Variants in SLC35F3 observed in about 807,000 individuals in gnomAD.
The protein encoded by SLC35F3 is putative thiamine transporter SLC35F3.
SLC35F3 carries 25 observed loss-of-function variants against 49.9 expected under a neutral mutation model. The observed-to-expected ratio is 0.50, with a 90% CI of 0.37 to 0.70. SLC35F3 has a LOEUF of 0.70. Among genes scored for constraint, SLC35F3 ranks in the 30% least tolerant of loss-of-function variants. The pLI, the probability that SLC35F3 is intolerant of heterozygous loss-of-function variation, is 0.00. For missense variants in SLC35F3, 525 were observed against 639.8 expected, an observed-to-expected ratio of 0.82 and a Z score of 1.94; for synonymous variants, 275 against 265.4, an observed-to-expected ratio of 1.04 and a Z score of -0.35.
At chr1:233,916,327 G>C (rs1046595000) in intron 2 of SLC35F3, among the ~76,000 whole-genome samples, 1 of 152,158 alleles carries the variant, frequency 6.6e-6, no homozygotes, top group African/African-American at 2.4e-5. Context: ...GAGTGCAGTG[G>C]CACAATCATC....
intron 3 of SLC35F3, among the ~76,000 whole-genome samples, chr1:234,278,773 G>A (rs1668256660): frequency 6.6e-6 from 1 of 151,236 alleles, no homozygotes. Context: ...ACCCTTATGA[G>A]GCAGAGAGAG....
intron 2 of SLC35F3, among the ~76,000 whole-genome samples, chr1:234,026,536 G>C (rs538812922): frequency 6.6e-6 from 1 of 152,162 alleles, no homozygotes; most frequent in Non-Finnish European, 1.5e-5. Context: ...CTGAAGGTAG[G>C]TTGGCAACTC....
At chr1:234,097,555 C>G (rs1665143268) in intron 2 of SLC35F3, among the ~76,000 whole-genome samples, 1 of 152,140 alleles carries the variant, frequency 6.6e-6, no homozygotes, top group Non-Finnish European at 1.5e-5. Context: ...CACACACACG[C>G]ACACACGCAC....
At chr1:233,944,978 G>C (rs1228617737) in intron 2 of SLC35F3, among the ~76,000 whole-genome samples, 1 of 152,018 alleles carries the variant, frequency 6.6e-6, no homozygotes, top group Non-Finnish European at 1.5e-5. Context: ...ATCCTAGGAG[G>C]TATTTTGTTT....
rs375590715 is a variant in SLC35F3 at position 234,279,549 on chromosome 1, G to A, written c.609-29552G>A. Among the ~76,000 whole-genome samples, 4 of 152,314 alleles carry A rather than the reference G, an allele frequency of 2.6e-5. No homozygotes were observed. In the East Asian group the frequency reaches 5.8e-4, roughly 22 times the overall value. On this transcript the variant is annotated intron_variant, in intron 3 of 7. Transcript: ENST00000366618. The stretch of plus-strand genomic sequence containing the variant: ...AGAGAGCCAGGAGCTGAGTGTGTCA[G>A]TAAGTCAGAGAAGAACATCGGCATG...
Position 233,954,008 on chromosome 1 carries a change from CT to C in SLC35F3, c.283+48266del, listed in dbSNP as rs750099276. ...GAACAGAGGTCCAAAACTAGAGCCT[CT>C]TTTTTTTTTTTTTTTGAGACGGAGT... On this transcript the variant is annotated intron_variant, in intron 2 of 7. Transcript: ENST00000366618. Among the ~76,000 whole-genome samples the C allele has an allele frequency of 6.1e-3, 864 of 141,124 alleles. 5 individuals are homozygous for C. Among genetic ancestry groups the C allele is most frequent in the African/African-American group, 0.013 (509 of 38,728 alleles). 92.6% of individuals were successfully genotyped at this position (141,124 alleles called of 152,430 possible). A position where few individuals can be genotyped will look rare whatever the true frequency, so the allele number is the denominator to read the frequency against.
intron 3 of SLC35F3, among the ~76,000 whole-genome samples, chr1:234,292,293 C>T (rs1382069718): frequency 6.6e-6 from 1 of 152,216 alleles, no homozygotes; most frequent in Non-Finnish European, 1.5e-5. Context: ...CTCTACAGAT[C>T]AGCAGGGTCT....
At chr1:234,318,420 C>T (rs1015372345) in intron 5 of SLC35F3, among the ~76,000 whole-genome samples, 3 of 152,176 alleles carry the variant, frequency 2.0e-5, no homozygotes, top group Non-Finnish European at 2.9e-5. Flanking sequence ...GGATCCCTTC[C>T]AGGGGTCTCT....
intron 2 of SLC35F3, among the ~76,000 whole-genome samples, chr1:234,059,131 G>A (rs747949969): frequency 2.6e-5 from 4 of 151,122 alleles, no homozygotes; most frequent in East Asian, 1.9e-4. Flanking sequence ...ATAGCTTTTC[G>A]TTTCATCCAT....
At chr1:234,082,983 C>T (rs1664903709) in intron 2 of SLC35F3, among the ~76,000 whole-genome samples, 1 of 152,200 alleles carries the variant, frequency 6.6e-6, no homozygotes. Flanking sequence ...TGCTTCCTAA[C>T]TGTGAGCTAT....
chr1:234,174,485 T>C (rs772796909), intron 2 of SLC35F3, among the ~76,000 whole-genome samples: 15 of 152,354 alleles, frequency 9.8e-5, no homozygotes, highest in African/African-American at 1.4e-4. Flanking sequence ...ACAGACACTG[T>C]CTTACTTAAT....
chr1:234,164,371 TCTC>T (rs1214329784), intron 2 of SLC35F3, among the ~76,000 whole-genome samples: 1 of 142,000 alleles, frequency 7.0e-6, no homozygotes, highest in Non-Finnish European at 1.5e-5. Context: ...CTTTCCCCTC[TCTC>T]CTCAACTTCT....
intron 2 of SLC35F3, among the ~76,000 whole-genome samples, chr1:233,943,415 C>T (rs1419201960): frequency 6.6e-6 from 1 of 152,190 alleles, no homozygotes; most frequent in Non-Finnish European, 1.5e-5. Context: ...GTTTTATTAA[C>T]AAGATGCAAG....
chr1:234,224,682 T>A (rs1324170455), intron 2 of SLC35F3, among the ~76,000 whole-genome samples: 1 of 152,260 alleles, frequency 6.6e-6, no homozygotes, highest in Non-Finnish European at 1.5e-5. Context: ...TTCCCGTTGA[T>A]GCTCTGGAGT....
At chr1:234,304,652 A>G (rs960904166) in intron 3 of SLC35F3, among the ~76,000 whole-genome samples, 3 of 151,912 alleles carry the variant, frequency 2.0e-5, no homozygotes, top group Non-Finnish European at 4.4e-5. Flanking sequence ...AGTCAGCCCA[A>G]CTCTCCACTG....
rs191510008 is a variant in SLC35F3 at position 234,277,335 on chromosome 1, G to A, written c.609-31766G>A. The stretch of plus-strand genomic sequence containing the variant: ...GGTGTGGTTTGGAGGCTGCTGGACC[G>A]CACTTGTCAGATGTCATTGTTTTCT... On this transcript the variant is annotated intron_variant, in intron 3 of 7. Coordinates refer to ENST00000366618, the MANE Select transcript of SLC35F3 (RefSeq NM_173508.4). Among the ~76,000 whole-genome samples, 50 of 152,276 alleles carry A rather than the reference G, an allele frequency of 3.3e-4. 1 individual carries two copies. The East Asian group carries it at 8.7e-3, about 26-fold the overall frequency.
intron 2 of SLC35F3, among the ~76,000 whole-genome samples, chr1:234,188,551 C>A (rs1249776386): frequency 6.6e-6 from 1 of 152,152 alleles, no homozygotes; most frequent in Admixed American, 6.5e-5. Flanking sequence ...AAGCCCCTCC[C>A]AAGGAGAGTC....
intron 2 of SLC35F3, among the ~76,000 whole-genome samples, chr1:234,116,306 A>G (rs543523107): frequency 4.6e-5 from 7 of 152,282 alleles, no homozygotes; most frequent in Admixed American, 2.6e-4. Flanking sequence ...AGATGCACCT[A>G]TGGCCCTTAC....
chr1:234,132,236 A>G (rs968303588), intron 2 of SLC35F3, among the ~76,000 whole-genome samples: 4 of 152,208 alleles, frequency 2.6e-5, no homozygotes, highest in Non-Finnish European at 4.4e-5. Context: ...CTCATATTAT[A>G]TAACATCCTG....
Sources: gnomAD v4.1 joint callset for allele counts (sites outside exome capture counted in the v4.1 genomes callset) on GRCh38, gnomAD v4.1.1 for gene constraint, MANE v1.5 for transcripts, NCBI Gene and HGNC (gene_info 2026-07-23, HGNC 2026-07-21) for gene names.